The following SLIT2 variants were observed in gnomAD, a reference collection of about 807,000 sequenced individuals.
SLIT2 encodes the protein slit guidance ligand 2.
A neutral mutation model predicts 185.7 loss-of-function variants in SLIT2; 41 were observed. That is an observed-to-expected ratio of 0.22 (90% CI 0.17 to 0.29). The LOEUF is 0.29. Ranked by LOEUF, SLIT2 falls within the 10% of genes least tolerant of loss-of-function variation. The pLI is 1.00. For missense variants in SLIT2, 1,571 were observed against 1,909.0 expected (o/e 0.82, Z 3.30); for synonymous variants, 693 against 680.2 (o/e 1.02, Z -0.29).
intron 5 of SLIT2, among the ~76,000 whole-genome samples, chr4:20,472,248 A>ATATATATCTATAGATAGATATATATC (rs1450139711): frequency 3.1e-4 from 12 of 38,704 alleles, no homozygotes; most frequent in Non-Finnish European, 5.1e-4. Context: ...CTATATATCT[A>ATATATATCTATAGATAGATATATATC]TATATAGATC....
chr4:20,279,887 G>A (rs1714549642), intron 4 of SLIT2, among the ~76,000 whole-genome samples: 1 of 152,034 alleles, frequency 6.6e-6, no homozygotes, highest in African/African-American at 2.4e-5. Flanking sequence ...ATTTGTCCTT[G>A]TTTCATATGT....
chr4:20,321,646 G>A (rs376752024), intron 4 of SLIT2, among the ~76,000 whole-genome samples: 16 of 152,254 alleles, frequency 1.1e-4, no homozygotes, highest in African/African-American at 3.9e-4. Flanking sequence ...GAACCATGCG[G>A]GAAAATTCAT....
At position 20,511,057 on chromosome 4, in the gene SLIT2, TA is replaced by T; in HGVS notation, c.987-7del. The T allele has an allele frequency of 6.4e-7, 1 of 1,573,454 alleles. No homozygotes were observed. Among genetic ancestry groups the T allele is most frequent in the Non-Finnish European group, 8.7e-7 (1 of 1,143,892 alleles). ...ATTGAATGTAACCTAACCCTATTTCTAATCTTAGTGACCTGAGCAATAATCA... is the reference window on the plus strand; with the variant it reads ...ATTGAATGTAACCTAACCCTATTTCTATCTTAGTGACCTGAGCAATAATCA... On this transcript the variant is annotated splice_polypyrimidine_tract_variant and splice_region_variant and intron_variant, in intron 10 of 36. Coordinates refer to ENST00000504154, the MANE Select transcript of SLIT2 (RefSeq NM_004787.4).
chr4:20,516,772 A>T (rs1720255514), intron 11 of SLIT2, among the ~76,000 whole-genome samples: 1 of 152,170 alleles, frequency 6.6e-6, no homozygotes, highest in Non-Finnish European at 1.5e-5. Flanking sequence ...TTTCTGGAGA[A>T]ATGTCATTCC....
intron 4 of SLIT2, among the ~76,000 whole-genome samples, chr4:20,406,100 G>T (rs1726756668): frequency 7.0e-6 from 1 of 143,576 alleles, no homozygotes; most frequent in Non-Finnish European, 1.5e-5. Context: ...CAGGTCAATA[G>T]ATTTACACAG....
chr4:20,580,208 G>A (rs897186867), intron 29 of SLIT2, among the ~76,000 whole-genome samples: 19 of 150,840 alleles, frequency 1.3e-4, no homozygotes, highest in East Asian at 2.0e-4. Context: ...TTACAGATGC[G>A]CACCACCATA....
intron 30 of SLIT2, among the ~76,000 whole-genome samples, chr4:20,590,996 A>G (rs1727473172): frequency 6.6e-6 from 1 of 152,228 alleles, no homozygotes; most frequent in South Asian, 2.1e-4. Flanking sequence ...ATTCTTAGGA[A>G]TTACACAGTC....
chr4:20,456,655 G>T (rs1353902367), intron 4 of SLIT2, among the ~76,000 whole-genome samples: 1 of 152,074 alleles, frequency 6.6e-6, no homozygotes, highest in Non-Finnish European at 1.5e-5. Context: ...AATGAGTAAT[G>T]CAATTCCTGA....
At chr4:20,418,455 G>A (rs1252429877) in intron 4 of SLIT2, among the ~76,000 whole-genome samples, 1 of 152,110 alleles carries the variant, frequency 6.6e-6, no homozygotes, top group African/African-American at 2.4e-5. Flanking sequence ...AAACGTTTTT[G>A]TATTATTCTC....
At chr4:20,286,967 T>C (rs185641439) in intron 4 of SLIT2, among the ~76,000 whole-genome samples, 268 of 152,324 alleles carry the variant, frequency 1.8e-3, no homozygotes, top group Middle Eastern at 0.01. Context: ...AACTGAAGCC[T>C]AAAGTGGTTA....
chr4:20,269,923 T>C (rs1322832399), intron 4 of SLIT2, among the ~76,000 whole-genome samples: 3 of 151,848 alleles, frequency 2.0e-5, no homozygotes, highest in Non-Finnish European at 4.4e-5. Flanking sequence ...TAACTTACTA[T>C]AGGGAGATAT....
At chr4:20,268,559 G>C (rs1713277126) in intron 3 of SLIT2, among the ~76,000 whole-genome samples, 1 of 151,830 alleles carries the variant, frequency 6.6e-6, no homozygotes, top group South Asian at 2.1e-4. Flanking sequence ...CTGGTTGACT[G>C]ATGTTGCACA....
intron 4 of SLIT2, among the ~76,000 whole-genome samples, chr4:20,310,354 C>T (rs1717995147): frequency 1.3e-5 from 2 of 152,166 alleles, no homozygotes; most frequent in Admixed American, 1.3e-4. Flanking sequence ...AATTATCTTT[C>T]TCTATGCAAT....
intron 22 of SLIT2, 59 bp downstream of exon 22, chr4:20,546,158 A>G (rs1208719664): frequency 3.4e-6 from 3 of 886,936 alleles, no homozygotes; most frequent in Non-Finnish European, 5.4e-6. Flanking sequence ...TGGGGATGGC[A>G]AGGGACAGAA....
In SLIT2 at chr4:20,567,757, G is replaced by A. The variant is rs143591702; in HGVS notation, c.2948+142G>A. The A allele has an allele frequency of 3.1e-3, 2,029 of 657,834 alleles. 25 individuals are homozygous for A. Among genetic ancestry groups the A allele is most frequent in the African/African-American group, 0.029 (1,619 of 55,140 alleles). 40.7% of individuals were successfully genotyped at this position (657,834 alleles called of 1,614,324 possible). A position where few individuals can be genotyped will look rare whatever the true frequency, so the allele number is the denominator to read the frequency against. Reference sequence around the variant, plus strand: ...ATGGCAATATGTATTGGTCCCTCTCGTAGATATTGCAATATAAAAAATAAA... The same window carrying A: ...ATGGCAATATGTATTGGTCCCTCTCATAGATATTGCAATATAAAAAATAAA... On this transcript the variant is annotated intron_variant, in intron 28 of 36. Coordinates refer to ENST00000504154, the MANE Select transcript of SLIT2 (RefSeq NM_004787.4).
rs533627684 is a variant in SLIT2, at chr4:20,610,206, G to A, written c.3847+39G>A. 7.0e-5 allele frequency: 111 copies of A among 1,579,720 alleles called. No individual in the cohort carries two copies. The South Asian group carries it at 1.2e-3, about 17-fold the overall frequency. On this transcript the variant is annotated intron_variant, in intron 34 of 36. Coordinates refer to ENST00000504154, the MANE Select transcript of SLIT2 (RefSeq NM_004787.4). ...CAAATTCAGGTGGTCCTGAAACCCTGTGATTCTCATTATGGACGAATTCTG... is the reference window on the plus strand; with the variant it reads ...CAAATTCAGGTGGTCCTGAAACCCTATGATTCTCATTATGGACGAATTCTG...
At chr4:20,478,688 A>G (rs531418306) in intron 5 of SLIT2, among the ~76,000 whole-genome samples, 44 of 152,346 alleles carry the variant, frequency 2.9e-4, no homozygotes, top group African/African-American at 1.1e-3. Context: ...TGATAGCATT[A>G]AAAGATTTTG....
intron 4 of SLIT2, among the ~76,000 whole-genome samples, chr4:20,314,951 T>C (rs917639377): frequency 6.6e-6 from 1 of 151,920 alleles, no homozygotes; most frequent in Non-Finnish European, 1.5e-5. Flanking sequence ...ATAAGCACAT[T>C]TCTACACAGG....
At chr4:20,570,181 G>A (rs184749333) in intron 29 of SLIT2, among the ~76,000 whole-genome samples, 6 of 152,056 alleles carry the variant, frequency 3.9e-5, no homozygotes, top group African/African-American at 1.4e-4. Flanking sequence ...CCAATGTCAT[G>A]TAAAGCAGTA....
Sources: allele counts gnomAD v4.1 joint callset (sites outside exome capture counted in the v4.1 genomes callset), GRCh38; gene constraint gnomAD v4.1.1; transcripts MANE v1.5; gene names NCBI Gene and HGNC (gene_info 2026-07-23, HGNC 2026-07-21).